SLCO4A1: variants seen among roughly 807,000 people sequenced by gnomAD.
The protein encoded by SLCO4A1 is solute carrier organic anion transporter family member 4A1.
A neutral mutation model predicts 64.6 loss-of-function variants in SLCO4A1; 51 were observed. The ratio of observed to expected loss-of-function variants is 0.79; its 90% CI spans 0.63 to 1.00. The LOEUF (loss-of-function observed/expected upper bound fraction) is 1.00. Ranked by LOEUF, SLCO4A1 falls within the 50% of genes least tolerant of loss-of-function variation. The probability of loss-of-function intolerance (pLI) is 0.00; values close to 1 mark genes in which losing one functional copy is unlikely to be tolerated. For missense variants in SLCO4A1, 919 were observed against 980.5 expected (o/e 0.94, Z 0.84); for synonymous variants, 471 against 444.9 (o/e 1.06, Z -0.74).
chr20:62,652,930 G>A (rs1041862687), intron 1 of SLCO4A1, among the ~76,000 whole-genome samples: 3 of 152,236 alleles, frequency 2.0e-5, no homozygotes, highest in Admixed American at 6.5e-5. Context: ...CAGCTGTGAC[G>A]CAGACGCTTG....
At chr20:62,655,755 A>G (rs955429093) in intron 1 of SLCO4A1, among the ~76,000 whole-genome samples, 4 of 152,176 alleles carry the variant, frequency 2.6e-5, no homozygotes, top group African/African-American at 9.7e-5. Flanking sequence ...CACGTGGCCC[A>G]GGAGGCTGCT....
chr20:62,657,337 GC>G, intron 2 of SLCO4A1, 87 bp downstream of exon 2: 1 of 1,250,840 alleles, frequency 8.0e-7, no homozygotes, highest in East Asian at 2.6e-5. Flanking sequence ...AGCCAGCCCC[GC>G]CCCCTGCCTT....
At chr20:62,658,815 C>A in intron 3 of SLCO4A1, 48 bp downstream of exon 3, 1 of 1,475,998 alleles carries the variant, frequency 6.8e-7, no homozygotes, top group South Asian at 1.2e-5. Flanking sequence ...GCCCACGTGT[C>A]TCTGGAAGGG....
downstream of SLCO4A1, among the ~76,000 whole-genome samples, chr20:62,686,035 G>A (rs145047805): frequency 7.9e-5 from 12 of 152,146 alleles, no homozygotes; most frequent in African/African-American, 2.6e-4. Context: ...GGTACCCTCC[G>A]GGGACTGGGG....
chr20:62,679,882 A>T (rs1001678359), intron 2 of SLCO4A1, among the ~76,000 whole-genome samples: 9 of 152,224 alleles, frequency 5.9e-5, no homozygotes, highest in African/African-American at 2.2e-4. Flanking sequence ...GTTTCAGGTG[A>T]TTATTCATAG....
intron 3 of SLCO4A1, among the ~76,000 whole-genome samples, chr20:62,659,067 G>T (rs956713545): frequency 6.6e-6 from 1 of 152,216 alleles, no homozygotes; most frequent in Non-Finnish European, 1.5e-5. Flanking sequence ...AGATTTTTCT[G>T]TTTCTTTTCC....
At chr20:62,665,199 C>G in intron 6 of SLCO4A1, 111 bp downstream of exon 6, 1 of 1,225,872 alleles carries the variant, frequency 8.2e-7, no homozygotes. Context: ...CAGTGAGTGC[C>G]CTCCCACCCC....
At position 62,683,602 on chromosome 20, in the gene SLCO4A1, G is replaced by A. The variant is rs377056626; in HGVS notation, n.212-1839G>A. The stretch of plus-strand genomic sequence containing the variant: ...TGTTGGTGCACCTTTTCTAGGTTCA[G>A]GTGTGTTTAGAGACACAAATGCTCA... On this transcript the variant is annotated intron_variant and non_coding_transcript_variant, in intron 2 of 2. Coordinates refer to the SLCO4A1 transcript ENST00000466818. Among the ~76,000 whole-genome samples, 17 of 152,340 alleles carry A rather than the reference G, an allele frequency of 1.1e-4. No homozygotes were observed. In the South Asian group the frequency reaches 3.1e-3, roughly 28 times the overall value.
chr20:62,673,262 A>AC (rs1353848868), downstream of SLCO4A1, among the ~76,000 whole-genome samples: 21 of 129,282 alleles, frequency 1.6e-4, 2 homozygotes, highest in African/African-American at 6.1e-4. Flanking sequence ...GCAGGAACAG[A>AC]CCCTAGAGGG....
intron 1 of SLCO4A1, chr20:62,650,898 T>C (rs1229610321): frequency 6.6e-6 from 1 of 152,356 alleles, no homozygotes; most frequent in Non-Finnish European, 1.5e-5. Context: ...ACATACATGC[T>C]GGGCACCCAC....
chr20:62,679,162 C>A (rs1987719577), intron 2 of SLCO4A1, among the ~76,000 whole-genome samples: 1 of 152,196 alleles, frequency 6.6e-6, no homozygotes, highest in Admixed American at 6.5e-5. Context: ...CGAAATCACA[C>A]CACTGCACTC....
chr20:62,689,322 C>T (rs1489278815), downstream of SLCO4A1, among the ~76,000 whole-genome samples: 1 of 142,766 alleles, frequency 7.0e-6, no homozygotes, highest in East Asian at 2.0e-4. Context: ...CGGCTGTGCC[C>T]CGTGCCTCGC....
chr20:62,688,064 G>A (rs1010126210), downstream of SLCO4A1, among the ~76,000 whole-genome samples: 43 of 151,892 alleles, frequency 2.8e-4, no homozygotes, highest in African/African-American at 1.0e-3. Flanking sequence ...TTGCTTTCCA[G>A]GTCCCAGCAC....
chr20:62,681,523 C>T (rs1375549222), intron 2 of SLCO4A1, among the ~76,000 whole-genome samples: 5 of 88,378 alleles, frequency 5.7e-5, no homozygotes, highest in African/African-American at 2.5e-4. Flanking sequence ...TTTATTAAGC[C>T]GTGTGTACAC....
At chr20:62,668,605 G>T in intron 10 of SLCO4A1, 64 bp downstream of exon 10, 1 of 1,440,136 alleles carries the variant, frequency 6.9e-7, no homozygotes. Flanking sequence ...AAGGGCATGG[G>T]CAAGTGTCTA....
chr20:62,666,118 G>GCCCCCCC (rs1325102807), intron 6 of SLCO4A1: 2,283 of 52,740 alleles, frequency 0.043, 110 homozygotes, highest in East Asian at 0.09. Flanking sequence ...CCGCCCCCCC[G>GCCCCCCC]CTCCCCCTTC....
chr20:62,661,622 T>C lies in SLCO4A1; in HGVS notation c.1121+447T>C, dbSNP rs1601646727. Among the ~76,000 whole-genome samples, 1 of 146,878 alleles carries C rather than the reference T, an allele frequency of 6.8e-6. No homozygotes were observed. Among genetic ancestry groups the C allele is most frequent in the Non-Finnish European group, 1.5e-5 (1 of 66,648 alleles). Reference sequence around the variant, plus strand: ...CACTCTAATTCCCTTTCATCAGGTGTCACCTGTGCCGTACCCCCCGGGCCC... The same window carrying C: ...CACTCTAATTCCCTTTCATCAGGTGCCACCTGTGCCGTACCCCCCGGGCCC... On this transcript the variant is annotated intron_variant, in intron 5 of 11. Transcript: ENST00000217159. This position sits in a 1 kb window ranked among gnomAD's most constrained non-coding sequence, Gnocchi z 5.2.
At chr20:62,666,744 C>T (rs1344141159) in intron 7 of SLCO4A1, 169 bp downstream of exon 7, 8 of 634,452 alleles carry the variant, frequency 1.3e-5, no homozygotes, top group African/African-American at 3.7e-5. Flanking sequence ...GCAGCATCCA[C>T]GTGAAAAGGC....
chr20:62,644,033 A>C lies in SLCO4A1; in HGVS notation c.-97+1480A>C, dbSNP rs896564641. Reference sequence around the variant, plus strand: ...GCTCCTGTTTTACGACTCTGTTCTTAAAGAGGCAAAAGGCGACTGCAGGGT... The same window carrying C: ...GCTCCTGTTTTACGACTCTGTTCTTCAAGAGGCAAAAGGCGACTGCAGGGT... On this transcript the variant is annotated intron_variant, in intron 1 of 11. Transcript: ENST00000217159. This position sits in a 1 kb window ranked among gnomAD's most constrained non-coding sequence, Gnocchi z 5.4. Among the ~76,000 whole-genome samples, 2 of 152,166 alleles carry C rather than the reference A, an allele frequency of 1.3e-5. No homozygotes were observed. Among genetic ancestry groups the C allele is most frequent in the South Asian group, 4.1e-4 (2 of 4,832 alleles).
Sources: gnomAD v4.1 joint callset for allele counts (sites outside exome capture counted in the v4.1 genomes callset) on GRCh38, gnomAD v4.1.1 for gene constraint, Gnocchi (gnomAD v3.1) non-coding constraint, MANE v1.5 for transcripts, NCBI Gene and HGNC (gene_info 2026-07-23, HGNC 2026-07-21) for gene names.